Variants in MAST2 observed in about 807,000 individuals in gnomAD.
MAST2 encodes microtubule associated serine/threonine kinase 2, also known as microtubule-associated serine/threonine-protein kinase 2.
Under a neutral mutation model 147.4 loss-of-function variants are expected in MAST2, and 70 were observed. The observed-to-expected ratio is 0.47, with a 90% CI of 0.39 to 0.58. MAST2 has a LOEUF of 0.58. MAST2 is among the 20% of genes least tolerant of loss of function. The pLI is 0.00. For synonymous variants in MAST2, 869 were observed against 896.8 expected (o/e 0.97, Z 0.55); for missense variants, 2,080 against 2,302.3 (o/e 0.90, Z 1.98).
intron 15 of MAST2, among the ~76,000 whole-genome samples, chr1:46,024,919 G>A (rs1188849545): frequency 2.6e-5 from 4 of 152,236 alleles, no homozygotes; most frequent in Non-Finnish European, 5.9e-5. Flanking sequence ...TGGACTTACA[G>A]TTCCATGTGG....
At chr1:45,832,996 A>C (rs1482161244) in intron 3 of MAST2, among the ~76,000 whole-genome samples, 3 of 151,872 alleles carry the variant, frequency 2.0e-5, no homozygotes, top group Admixed American at 6.6e-5. Context: ...TCTACTTTCC[A>C]CCTCTATAGG....
Position 46,006,261 on chromosome 1 carries a change from A to C in MAST2, c.768A>C (p.Glu256Asp). Residue 256 changes from glutamate to aspartate, a missense_variant, in exon 8 of 29, where the codon GAA (glutamate) becomes GAC (aspartate). Physicochemically the swap from Glu to Asp is conservative, Grantham distance 45. Transcript: ENST00000361297. ...STVSSSCSSQ[E>D]KLHQLPFQPT... ...TCTAGTCATCATGCTCCTCACAGGA[A>C]AAGCTGCATCAGTTGCCTTTCCAGC... The C allele has an allele frequency of 6.2e-7, 1 of 1,613,322 alleles. No individual in the cohort carries two copies. The highest frequency in any genetic ancestry group is 1.7e-4 in the Middle Eastern group (1 of 6,058).
rs76057539 is a variant in MAST2, at chr1:45,996,426, G to A, written c.593-1298G>A. ...GGAGGCCTGATCCTTATTAAGTCCT[G>A]GCTAAGGAAACAGCTACTCAGGATC... is the stretch of plus-strand genomic sequence containing the variant. On this transcript the variant is annotated intron_variant, in intron 5 of 28. Coordinates refer to ENST00000361297, the MANE Select transcript of MAST2 (RefSeq NM_015112.3). Among the ~76,000 whole-genome samples, 83 of 152,158 alleles carry A rather than the reference G, an allele frequency of 5.5e-4. No individual in the cohort carries two copies. In the East Asian group the frequency reaches 0.013, roughly 24 times the overall value.
intron 3 of MAST2, among the ~76,000 whole-genome samples, chr1:45,838,711 C>A (rs1199177535): frequency 1.3e-5 from 2 of 152,086 alleles, no homozygotes; most frequent in African/African-American, 2.4e-5. Context: ...ATTTTCTTAT[C>A]AGTTTTACAC....
At chr1:45,930,732 C>T (rs190499710) in intron 4 of MAST2, among the ~76,000 whole-genome samples, 152 of 152,046 alleles carry the variant, frequency 1.0e-3, no homozygotes, top group African/African-American at 3.4e-3. Context: ...AGCTTTTCAC[C>T]CCCCAAACCA....
Position 46,035,664 on chromosome 1 carries a change from A to C in MAST2, c.4995A>C (p.Pro1665=). The change falls in exon 29 of 29, where the codon CCA becomes CCC. Residue 1665 remains proline, a synonymous_variant. Transcript: ENST00000361297. This position sits in a 1 kb window ranked among gnomAD's most constrained non-coding sequence, Gnocchi z 5.5. ...MWSWKSLIEG[P]DRASPSRKAT... ...CCTGGAAATCCCTTATTGAGGGCCCAGACAGGGCATCCCCAAGCAGAAAGG... is the reference window on the plus strand; with the variant it reads ...CCTGGAAATCCCTTATTGAGGGCCCCGACAGGGCATCCCCAAGCAGAAAGG... The C allele has an allele frequency of 6.2e-7, 1 of 1,613,988 alleles. No individual in the cohort carries two copies. The highest frequency in any genetic ancestry group is 8.5e-7 in the Non-Finnish European group (1 of 1,180,000).
chr1:46,023,076 G>A lies in MAST2; in HGVS notation c.1485+105G>A, dbSNP rs1248677447. 2 of 1,263,738 alleles carry A rather than the reference G, an allele frequency of 1.6e-6. No individual in the cohort carries two copies. Among genetic ancestry groups the A allele is most frequent in the Admixed American group, 1.8e-5 (1 of 57,092 alleles). The allele number at this position is 1,263,738 out of a possible 1,614,324, so 78.3% of individuals were successfully genotyped here. A position where few individuals can be genotyped will look rare whatever the true frequency, so the allele number is the denominator to read the frequency against. ...TATCTGAGGAAGGGATGGGGGAGTT[G>A]GTGACAGCAAACACTGAGAAGTCAT... On this transcript the variant is annotated intron_variant, in intron 13 of 28. Transcript: ENST00000361297. This position sits in a 1 kb window ranked among gnomAD's most constrained non-coding sequence, Gnocchi z 4.9.
chr1:45,849,904 A>G (rs1645570016), intron 3 of MAST2, among the ~76,000 whole-genome samples: 1 of 152,142 alleles, frequency 6.6e-6, no homozygotes, highest in Non-Finnish European at 1.5e-5. Context: ...TAGTGCTGTG[A>G]TTAACATGTG....
chr1:45,850,400 C>CTGATTGTT (rs1645586973), intron 3 of MAST2, among the ~76,000 whole-genome samples: 3 of 152,130 alleles, frequency 2.0e-5, no homozygotes, highest in African/African-American at 7.2e-5. Flanking sequence ...AGGCTGTTAA[C>CTGATTGTT]TCTACTGATT....
chr1:45,853,514 T>C (rs1432368359), intron 3 of MAST2, among the ~76,000 whole-genome samples: 1 of 151,870 alleles, frequency 6.6e-6, no homozygotes, highest in East Asian at 1.9e-4. Context: ...CCATCACGCC[T>C]GTGTAATTTT....
intron 4 of MAST2, among the ~76,000 whole-genome samples, chr1:45,958,977 G>T (rs1660029490): frequency 6.6e-6 from 1 of 152,174 alleles, no homozygotes; most frequent in Non-Finnish European, 1.5e-5. Context: ...TAATTTCATA[G>T]ATTAATAGTT....
rs56069054 is a variant in MAST2 at position 46,032,976 on chromosome 1, CAAA to C, written c.3537+275_3537+277del. 4.0e-3 allele frequency among the ~76,000 whole-genome samples: 527 copies of C among 132,216 alleles called. 3 individuals carry two copies. The highest frequency in any genetic ancestry group is 0.029 in the South Asian group (116 of 4,034). 86.7% of individuals were successfully genotyped at this position (132,216 alleles called of 152,430 possible). A position where few individuals can be genotyped will look rare whatever the true frequency, so the allele number is the denominator to read the frequency against. On this transcript the variant is annotated intron_variant, in intron 26 of 28. Coordinates refer to ENST00000361297, the MANE Select transcript of MAST2 (RefSeq NM_015112.3). ...TGAAACCCTGCCTCTACTAAAAATACAAAAAAAAAAAAAAAAAAATGCCTGGGT... is the reference window on the plus strand; with the variant it reads ...TGAAACCCTGCCTCTACTAAAAATACAAAAAAAAAAAAAAAATGCCTGGGT...
At position 45,959,430 on chromosome 1, in the gene MAST2, C is replaced by T. The variant is rs769656166; in HGVS notation, c.545C>T (p.Thr182Ile). The T allele has an allele frequency of 2.5e-6, 4 of 1,613,854 alleles. No homozygotes were observed. The highest frequency in any genetic ancestry group is 4.5e-5 in the East Asian group (2 of 44,872). The stretch of plus-strand genomic sequence containing the variant: ...AAGAGCTTGATTGTGACCTCTAGCA[C>T]ATCACCTACACTACCACGGCCACAC... ...NRKSLIVTSSTSPTLPRPHSP... is the reference protein window; with the variant it reads ...NRKSLIVTSSISPTLPRPHSP... Residue 182 changes from threonine (T) to isoleucine (I), a missense_variant, in exon 5 of 29, where the codon ACA (threonine) becomes ATA (isoleucine). Coordinates refer to ENST00000361297, the MANE Select transcript of MAST2 (RefSeq NM_015112.3).
Position 46,006,349 on chromosome 1 carries a change from G to A in MAST2, c.856G>A (p.Glu286Lys), listed in dbSNP as rs939390565. The stretch of plus-strand genomic sequence containing the variant: ...CAGCACAGAGAGCGTACCAGATGAG[G>A]AAGGACGGCAGTCCCCAGCCATGCG... The part of the protein sequence containing the change: ...HFSTESVPDE[E>K]GRQSPAMRPR... Residue 286 changes from glutamate to lysine, a missense_variant, in exon 8 of 29, where the codon GAA (glutamate) becomes AAA (lysine). By Grantham distance (56) the Glu-to-Lys change is moderately conservative (BLOSUM62 1). Transcript: ENST00000361297. 7.4e-6 allele frequency: 12 copies of A among 1,613,754 alleles called. No homozygotes were observed. The highest frequency in any genetic ancestry group is 1.0e-5 in the Non-Finnish European group (12 of 1,179,800).
At chr1:46,004,591 A>T (rs927681098) in intron 7 of MAST2, among the ~76,000 whole-genome samples, 1 of 152,230 alleles carries the variant, frequency 6.6e-6, no homozygotes, top group African/African-American at 2.4e-5. Context: ...GATCCAAATC[A>T]TTTATTAAAA....
At chr1:45,958,421 A>G (rs1468113846) in intron 4 of MAST2, among the ~76,000 whole-genome samples, 1 of 151,464 alleles carries the variant, frequency 6.6e-6, no homozygotes, top group Non-Finnish European at 1.5e-5. Context: ...TGAGTCCTTC[A>G]TATCATTCAG....
rs1402580967 is a variant in MAST2, at chr1:45,823,699, A to G, written c.178-734A>G. On this transcript the variant is annotated intron_variant, in intron 1 of 28. Coordinates refer to ENST00000361297, the MANE Select transcript of MAST2 (RefSeq NM_015112.3). ...TCAGTTTGATGTGTTACTTATCTGTATTTGTTACAGCTTCCTTCATTGACA... is the reference window on the plus strand; with the variant it reads ...TCAGTTTGATGTGTTACTTATCTGTGTTTGTTACAGCTTCCTTCATTGACA... Among the ~76,000 whole-genome samples, 4 of 152,096 alleles carry G rather than the reference A, an allele frequency of 2.6e-5. No individual in the cohort carries two copies. In the East Asian group the frequency reaches 5.8e-4, roughly 22 times the overall value.
At chr1:45,952,056 A>G (rs1054320186) in intron 4 of MAST2, among the ~76,000 whole-genome samples, 3 of 152,258 alleles carry the variant, frequency 2.0e-5, no homozygotes, top group Admixed American at 2.0e-4. Context: ...CACTAAAGTA[A>G]AAGAGCTCAG....
At chr1:45,895,973 T>G (rs1329658611) in intron 4 of MAST2, among the ~76,000 whole-genome samples, 1 of 152,260 alleles carries the variant, frequency 6.6e-6, no homozygotes, top group Non-Finnish European at 1.5e-5. Context: ...CAATAATTTC[T>G]TGTAAATTGT....
Sources: allele counts gnomAD v4.1 joint callset (sites outside exome capture counted in the v4.1 genomes callset), GRCh38; gene constraint gnomAD v4.1.1; non-coding constraint Gnocchi (gnomAD v3.1); transcripts MANE v1.5; gene names NCBI Gene and HGNC (gene_info 2026-07-23, HGNC 2026-07-21).